Variants in LUM observed in about 807,000 individuals in gnomAD.
The protein encoded by LUM is lumican.
In LUM, 13 loss-of-function variants were observed where a neutral mutation model predicts 20.5. The observed-to-expected ratio is 0.63, with a 90% CI of 0.41 to 1.01. LUM has a LOEUF of 1.01. LUM is among the 50% of genes least tolerant of loss of function. The pLI is 0.00. For synonymous variants in LUM, 173 were observed against 151.5 expected (o/e 1.14, Z -1.04); for missense variants, 321 against 391.1 (o/e 0.82, Z 1.51).
At position 91,108,021 on chromosome 12, in the gene LUM, G is replaced by GT. The variant is rs1040750536; in HGVS notation, c.862+96dup. 9 of 1,413,726 alleles carry GT rather than the reference G, an allele frequency of 6.4e-6. No individual in the cohort carries two copies. The highest frequency in any genetic ancestry group is 1.4e-5 in the African/African-American group (1 of 70,780). 87.6% of individuals were successfully genotyped at this position (1,413,726 alleles called of 1,614,324 possible). On this transcript the variant is annotated intron_variant, in intron 2 of 2. Coordinates refer to ENST00000266718, the MANE Select transcript of LUM (RefSeq NM_002345.4). The surrounding 1 kb of genome is among the most constrained non-coding windows in gnomAD (Gnocchi z 4.2). ...AGCCACAGCGCCCGGGCGACATTTTGTTTTTTTAATGGAGCCAGATGCAAT... is the reference window on the plus strand; with the variant it reads ...AGCCACAGCGCCCGGGCGACATTTTGTTTTTTTTAATGGAGCCAGATGCAAT...
chr12:91,108,370 G>A lies in LUM; in HGVS notation c.610C>T (p.Pro204Ser). 1.2e-6 allele frequency: 2 copies of A among 1,614,120 alleles called. No individual in the cohort carries two copies. Among genetic ancestry groups the A allele is most frequent in the East Asian group, 2.2e-5 (1 of 44,862 alleles). ...NQIARLPSGL[P>S]VSLLTLYLDN... ...AAGTAGAGAGTTAGAAGAGAGACAGGGAGACCAGAAGGCAGTCTGGCTATC... is the reference window on the plus strand; with the variant it reads ...AAGTAGAGAGTTAGAAGAGAGACAGAGAGACCAGAAGGCAGTCTGGCTATC... Residue 204 changes from proline to serine, a missense_variant, in exon 2 of 3, where the codon CCT (proline) becomes TCT (serine). Pro to Ser is a moderately conservative substitution (Grantham distance 74). Transcript: ENST00000266718. The surrounding 1 kb of genome is among the most constrained non-coding windows in gnomAD (Gnocchi z 4.2).
At position 91,108,985 on chromosome 12, in the gene LUM, G is replaced by T. The variant is rs769985750; in HGVS notation, c.-6C>A. ...GTAAATGCACTTAGACTCATTTTTG[G>T]CAAATGGTTTGAATCCTAAATAAAG... On this transcript the variant is annotated 5_prime_UTR_variant, in exon 2 of 3. Coordinates refer to ENST00000266718, the MANE Select transcript of LUM (RefSeq NM_002345.4). This position sits in a 1 kb window ranked among gnomAD's most constrained non-coding sequence, Gnocchi z 4.2. 18 of 1,609,930 alleles carry T rather than the reference G, an allele frequency of 1.1e-5. No homozygotes were observed. The South Asian group carries it at 1.9e-4, about 17-fold the overall frequency.
At chr12:91,106,616 A>G (rs1177062127) in intron 2 of LUM, among the ~76,000 whole-genome samples, 1 of 149,910 alleles carries the variant, frequency 6.7e-6, no homozygotes, top group Non-Finnish European at 1.5e-5. Flanking sequence ...GGAGAAAGAG[A>G]AAGTGTGGAA....
Position 91,108,398 on chromosome 12 carries a change from A to G in LUM, c.582T>C (p.Asn194=). Reference sequence around the variant, plus strand: ...GACCAGAAGGCAGTCTGGCTATCTGATTGAAGCTCAAGTCAAGGTATTCGA... The same window carrying G: ...GACCAGAAGGCAGTCTGGCTATCTGGTTGAAGCTCAAGTCAAGGTATTCGA... ...KSLEYLDLSF[N]QIARLPSGLP... The change falls in exon 2 of 3, where the codon AAT becomes AAC. Residue 194 remains asparagine, a synonymous_variant. Coordinates refer to ENST00000266718, the MANE Select transcript of LUM (RefSeq NM_002345.4). This position sits in a 1 kb window ranked among gnomAD's most constrained non-coding sequence, Gnocchi z 4.2. The G allele has an allele frequency of 6.2e-7, 1 of 1,614,174 alleles. No individual in the cohort carries two copies. Among genetic ancestry groups the G allele is most frequent in the Non-Finnish European group, 8.5e-7 (1 of 1,180,026 alleles).
At chr12:91,106,787 C>CACACCATA (rs1416548658) in intron 2 of LUM, among the ~76,000 whole-genome samples, 1 of 150,296 alleles carries the variant, frequency 6.7e-6, no homozygotes, top group Non-Finnish European at 1.5e-5. Context: ...GTGATGGCCA[C>CACACCATA]ACACCATAAC....
intron 2 of LUM, among the ~76,000 whole-genome samples, chr12:91,106,677 A>G (rs1333905670): frequency 1.9e-5 from 2 of 107,450 alleles, no homozygotes; most frequent in Admixed American, 1.2e-4. Flanking sequence ...GCTCTGTAAC[A>G]CTATTTTTCT....
chr12:91,107,792 T>C (rs762110756), intron 2 of LUM, among the ~76,000 whole-genome samples: 21 of 152,136 alleles, frequency 1.4e-4, no homozygotes, highest in South Asian at 2.1e-4. Context: ...CTCGGCTCAC[T>C]GCAACCTCTA....
chr12:91,103,301 T>TA lies in LUM; in HGVS notation c.*863dup. 6.6e-6 allele frequency: 1 copy of TA among 152,202 alleles called. No homozygotes were observed. The highest frequency in any genetic ancestry group is 1.5e-5 in the Non-Finnish European group (1 of 67,956). 9.4% of individuals were successfully genotyped at this position (152,202 alleles called of 1,614,324 possible). On this transcript the variant is annotated 3_prime_UTR_variant, in exon 3 of 3. Coordinates refer to ENST00000266718, the MANE Select transcript of LUM (RefSeq NM_002345.4). ...TAGAATACCATTGTATATGAACCAG[T>TA]AAAAACACCAGGAATGGGAATAATG...
At chr12:91,110,872 A>C (rs1342757606) in intron 1 of LUM, among the ~76,000 whole-genome samples, 1 of 152,206 alleles carries the variant, frequency 6.6e-6, no homozygotes, top group African/African-American at 2.4e-5. Context: ...TCCTTAAGGC[A>C]TATATCCAAG....
At chr12:91,107,279 GAAAGAAAGAGAAAGAAAGAA>G (rs1338224977) in intron 2 of LUM, among the ~76,000 whole-genome samples, 17 of 97,712 alleles carry the variant, frequency 1.7e-4, no homozygotes, top group East Asian at 1.3e-3. Flanking sequence ...AAGAAAGAAA[GAAAGAAAGAGAAAGAAAGAA>G]AGAAAGAAAG....
intron 2 of LUM, among the ~76,000 whole-genome samples, chr12:91,107,343 AAG>A (rs1189354480): frequency 2.1e-5 from 3 of 143,286 alleles, no homozygotes; most frequent in Non-Finnish European, 3.1e-5. Flanking sequence ...GAAAGAAAGA[AAG>A]GGAAAGAAAG....
chr12:91,106,955 T>G (rs1245975090), intron 2 of LUM, among the ~76,000 whole-genome samples: 1 of 151,470 alleles, frequency 6.6e-6, no homozygotes, highest in East Asian at 2.0e-4. Context: ...ATGGATCAGT[T>G]GAGGTCAGGA....
At position 91,108,097 on chromosome 12, in the gene LUM, C is replaced by G; in HGVS notation, c.862+21G>C. ...TAAACACTTGAGCACACATCAAACA[C>G]AGGAACAGCTTTTTACTTACTCTCA... On this transcript the variant is annotated intron_variant, in intron 2 of 2. Transcript: ENST00000266718. This position sits in a 1 kb window ranked among gnomAD's most constrained non-coding sequence, Gnocchi z 4.2. 1.2e-6 allele frequency: 2 copies of G among 1,613,504 alleles called. No individual in the cohort carries two copies. Among genetic ancestry groups the G allele is most frequent in the Non-Finnish European group, 1.7e-6 (2 of 1,179,674 alleles).
At chr12:91,110,753 A>G (rs1298382134) in intron 1 of LUM, among the ~76,000 whole-genome samples, 1 of 152,200 alleles carries the variant, frequency 6.6e-6, no homozygotes, top group Non-Finnish European at 1.5e-5. Flanking sequence ...CTCCACTATG[A>G]GGCAAAATCA....
chr12:91,105,912 C>T (rs878940651), intron 2 of LUM, among the ~76,000 whole-genome samples: 3 of 152,176 alleles, frequency 2.0e-5, no homozygotes, highest in Admixed American at 2.0e-4. Flanking sequence ...CTCCGTCATC[C>T]CTTAAGCATC....
In LUM at chr12:91,104,125, G is replaced by T; in HGVS notation, c.*40C>A. The T allele has an allele frequency of 6.4e-7, 1 of 1,552,450 alleles. No homozygotes were observed. The highest frequency in any genetic ancestry group is 8.9e-7 in the Non-Finnish European group (1 of 1,127,946). On this transcript the variant is annotated 3_prime_UTR_variant, in exon 3 of 3. Coordinates refer to ENST00000266718, the MANE Select transcript of LUM (RefSeq NM_002345.4). ...TGGATACTATGAAAACTGACACACA[G>T]AAAAACATAACCATAAAATATTGTT...
chr12:91,108,361 GA>G lies in LUM; in HGVS notation c.618del (p.Leu207PhefsTer2). On this transcript the variant is annotated frameshift_variant, in exon 2 of 3. Transcript: ENST00000266718. LOFTEE classifies it high-confidence loss of function. The surrounding 1 kb of genome is among the most constrained non-coding windows in gnomAD (Gnocchi z 4.2). The part of the protein sequence containing the change: ...IARLPSGLPV[S>X]LLTLYLDNNK... ...TTGTTGTCTAAGTAGAGAGTTAGAA[GA>G]GAGACAGGGAGACCAGAAGGCAGTC... The G allele has an allele frequency of 6.2e-7, 1 of 1,614,150 alleles. No homozygotes were observed. Among genetic ancestry groups the G allele is most frequent in the East Asian group, 2.2e-5 (1 of 44,870 alleles).
intron 1 of LUM, 136 bp from the exon 2 acceptor site, chr12:91,109,136 T>C (rs1565759155): frequency 6.0e-6 from 4 of 668,454 alleles, no homozygotes; most frequent in Non-Finnish European, 9.9e-6. Context: ...TCTAACAGCG[T>C]CTTTTAAATT....
At position 91,108,420 on chromosome 12, in the gene LUM, T is replaced by C. The variant is rs1322765660; in HGVS notation, c.560A>G (p.Glu187Gly). 2 of 1,614,090 alleles carry C rather than the reference T, an allele frequency of 1.2e-6. No homozygotes were observed. Reference protein sequence around the residue: ...SAAFKGLKSLEYLDLSFNQIA... With the variant: ...SAAFKGLKSLGYLDLSFNQIA... The stretch of plus-strand genomic sequence containing the variant: ...CTGATTGAAGCTCAAGTCAAGGTAT[T>C]CGAGTGATTTAAGACCTTTAAAAGC... Residue 187 changes from glutamate (E) to glycine (G), a missense_variant, in exon 2 of 3, where the codon GAA (glutamate) becomes GGA (glycine). Glu to Gly is a moderately conservative substitution (Grantham distance 98). Transcript: ENST00000266718. This position sits in a 1 kb window ranked among gnomAD's most constrained non-coding sequence, Gnocchi z 4.2.
Sources: gnomAD v4.1 joint callset for allele counts (sites outside exome capture counted in the v4.1 genomes callset) on GRCh38, gnomAD v4.1.1 for gene constraint, Gnocchi (gnomAD v3.1) non-coding constraint, MANE v1.5 for transcripts, NCBI Gene and HGNC (gene_info 2026-07-23, HGNC 2026-07-21) for gene names.